Variants in PDE7A observed in about 807,000 individuals in gnomAD.
The protein encoded by PDE7A is phosphodiesterase 7A.
Under a neutral mutation model 64.3 loss-of-function variants are expected in PDE7A, and 39 were observed. The observed-to-expected ratio is 0.61, with a 90% confidence interval of 0.47 to 0.79. The LOEUF (loss-of-function observed/expected upper bound fraction) is 0.79. PDE7A is among the 30% of genes least tolerant of loss of function. The pLI is 0.00. For synonymous variants in PDE7A, 203 were observed against 206.8 expected (o/e 0.98, Z 0.16); for missense variants, 470 against 582.8 (o/e 0.81, Z 1.99).
In PDE7A at chr8:65,841,364, C is replaced by T; in HGVS notation, c.138+7G>A. 6.5e-7 allele frequency: 1 copy of T among 1,534,894 alleles called. No homozygotes were observed. The highest frequency in any genetic ancestry group is 8.7e-7 in the Non-Finnish European group (1 of 1,144,108). On this transcript the variant is annotated splice_region_variant and intron_variant, in intron 1 of 12. Transcript: ENST00000401827. ...CCCTCAAGTGTGGGCCCGGCGGCGG[C>T]GATTACCTGAGAGAGCTGCCGGGGA...
intron 1 of PDE7A, among the ~76,000 whole-genome samples, chr8:65,800,537 T>A (rs1214394525): frequency 6.6e-6 from 1 of 152,190 alleles, no homozygotes; most frequent in African/African-American, 2.4e-5. Flanking sequence ...GAGGCCAGGA[T>A]TTGAGCATTT....
chr8:65,721,060 T>C (rs916588669), intron 12 of PDE7A, among the ~76,000 whole-genome samples: 2 of 152,200 alleles, frequency 1.3e-5, no homozygotes, highest in African/African-American at 4.8e-5. Context: ...AAAATTTCTT[T>C]TAGGTTTTAA....
intron 1 of PDE7A, among the ~76,000 whole-genome samples, chr8:65,783,640 C>T (rs774141371): frequency 4.6e-5 from 7 of 152,190 alleles, no homozygotes; most frequent in Non-Finnish European, 7.3e-5. Context: ...CTGAAGTTGT[C>T]TTGTCTGCGT....
chr8:65,780,328 T>C (rs1259289131), intron 2 of PDE7A, among the ~76,000 whole-genome samples: 1 of 152,210 alleles, frequency 6.6e-6, no homozygotes, highest in Non-Finnish European at 1.5e-5. Flanking sequence ...GTTTACAATT[T>C]CATAGATGTG....
intron 1 of PDE7A, among the ~76,000 whole-genome samples, chr8:65,795,251 GC>G (rs766547244): frequency 2.0e-5 from 3 of 152,200 alleles, no homozygotes; most frequent in Non-Finnish European, 4.4e-5. Flanking sequence ...CCCTAACATT[GC>G]CCAGGCTCCT....
In PDE7A at chr8:65,759,745, G is replaced by A. The variant is rs568481969; in HGVS notation, c.284-11942C>T. Reference sequence around the variant, plus strand: ...TTCCTAAAGGTCCTTTCTGGAATGAGACATCCCAAACCCTCTCTTTTGCTC... The same window carrying A: ...TTCCTAAAGGTCCTTTCTGGAATGAAACATCCCAAACCCTCTCTTTTGCTC... On this transcript the variant is annotated intron_variant, in intron 3 of 12. Transcript: ENST00000401827. Among the ~76,000 whole-genome samples the A allele has an allele frequency of 9.1e-4, 139 of 152,202 alleles. 1 individual carries two copies. The highest frequency in any genetic ancestry group is 3.4e-3 in the Middle Eastern group (1 of 294).
chr8:65,779,588 G>A, intron 3 of PDE7A, 132 bp downstream of exon 3: 1 of 523,132 alleles, frequency 1.9e-6, no homozygotes, highest in Non-Finnish European at 3.4e-6. Context: ...TCATTTACAT[G>A]ACCTAGGTTT....
intron 1 of PDE7A, among the ~76,000 whole-genome samples, chr8:65,804,368 T>G (rs1810063094): frequency 6.6e-6 from 1 of 152,204 alleles, no homozygotes; most frequent in African/African-American, 2.4e-5. Context: ...ATGAATTCCC[T>G]CCATCCCAAG....
chr8:65,753,395 T>C (rs1273123414), intron 3 of PDE7A, among the ~76,000 whole-genome samples: 3 of 152,208 alleles, frequency 2.0e-5, no homozygotes, highest in Non-Finnish European at 1.5e-5. Flanking sequence ...ATGCCTCTGC[T>C]ATTTCTCTAA....
At chr8:65,727,331 C>G in intron 7 of PDE7A, 30 bp from the exon 8 acceptor site, 3 of 1,611,936 alleles carry the variant, frequency 1.9e-6, no homozygotes, top group African/African-American at 1.3e-5. Context: ...TAATGAATCA[C>G]AGATATATCT....
At position 65,724,287 on chromosome 8, in the gene PDE7A, C is replaced by G. The variant is rs937427180; in HGVS notation, c.1130G>C (p.Ser377Thr). ...CRTWELSKQW[S>T]EKVTEEFFHQ... Reference sequence around the variant, plus strand: ...GAAGAATTCCTCCGTTACTTTTTCACTCCACTGCTTGCTTAATTCCCACGT... The same window carrying G: ...GAAGAATTCCTCCGTTACTTTTTCAGTCCACTGCTTGCTTAATTCCCACGT... The change falls in exon 11 of 13, where the codon AGT becomes ACT. Residue 377 changes from serine (S) to threonine (T), a missense_variant. Physicochemically the swap from Ser to Thr is moderately conservative, Grantham distance 58 (BLOSUM62 1). Coordinates refer to ENST00000401827, the MANE Select transcript of PDE7A (RefSeq NM_001242318.3). The G allele has an allele frequency of 6.2e-7, 1 of 1,612,436 alleles. No homozygotes were observed. Among genetic ancestry groups the G allele is most frequent in the Non-Finnish European group, 8.5e-7 (1 of 1,178,748 alleles).
At chr8:65,835,891 C>T (rs1359945741) in intron 1 of PDE7A, among the ~76,000 whole-genome samples, 1 of 152,102 alleles carries the variant, frequency 6.6e-6, no homozygotes, top group Non-Finnish European at 1.5e-5. Context: ...AATTTGAACA[C>T]CCTGTTAGAA....
chr8:65,773,019 T>C (rs1233517432), intron 3 of PDE7A, among the ~76,000 whole-genome samples: 2 of 151,352 alleles, frequency 1.3e-5, no homozygotes, highest in Non-Finnish European at 3.0e-5. Context: ...AAAAAAAAAA[T>C]TAAGAAAAAG....
chr8:65,792,511 TC>T (rs1313360998), intron 1 of PDE7A, among the ~76,000 whole-genome samples: 1 of 152,226 alleles, frequency 6.6e-6, no homozygotes, highest in Non-Finnish European at 1.5e-5. Context: ...ACTCGGCATG[TC>T]CCTCTCTTGC....
intron 3 of PDE7A, among the ~76,000 whole-genome samples, chr8:65,752,293 T>G (rs979187176): frequency 3.3e-5 from 5 of 152,238 alleles, no homozygotes; most frequent in Non-Finnish European, 5.9e-5. Context: ...TTTATCTTAA[T>G]TTCCCCAGTT....
chr8:65,809,686 A>C lies in PDE7A; in HGVS notation c.139-26843T>G, dbSNP rs375873913. ...AATCAAACCCCATCACAAAGTGGGC[A>C]AAGGATATGAACAGACACTTTTCAA... On this transcript the variant is annotated intron_variant, in intron 1 of 12. Transcript: ENST00000401827. Among the ~76,000 whole-genome samples the C allele has an allele frequency of 1.3e-4, 20 of 152,362 alleles. No individual in the cohort carries two copies. In the East Asian group the frequency reaches 3.5e-3, roughly 26 times the overall value.
chr8:65,742,212 C>G (rs892175874), intron 5 of PDE7A, among the ~76,000 whole-genome samples: 1 of 152,192 alleles, frequency 6.6e-6, no homozygotes, highest in African/African-American at 2.4e-5. Context: ...AAAGATAGAA[C>G]TGCCTATGAA....
At chr8:65,841,005 G>A (rs1266123358) in intron 1 of PDE7A, among the ~76,000 whole-genome samples, 2 of 152,246 alleles carry the variant, frequency 1.3e-5, no homozygotes, top group Non-Finnish European at 2.9e-5. Context: ...TATGTTGCAA[G>A]GCGGGGGAGC....
intron 1 of PDE7A, among the ~76,000 whole-genome samples, chr8:65,808,381 T>A (rs1810160045): frequency 6.6e-6 from 1 of 152,202 alleles, no homozygotes; most frequent in Non-Finnish European, 1.5e-5. Flanking sequence ...TATCTGGGTT[T>A]CTAATAAGAC....
Sources: allele counts gnomAD v4.1 joint callset (sites outside exome capture counted in the v4.1 genomes callset), GRCh38; gene constraint gnomAD v4.1.1; transcripts MANE v1.5; gene names NCBI Gene and HGNC (gene_info 2026-07-23, HGNC 2026-07-21).